Variants in WDR25 observed in about 807,000 individuals in gnomAD.
WDR25 encodes the protein WD repeat domain 25, also known as WD repeat-containing protein 25.
WDR25 carries 35 observed loss-of-function variants against 47.7 expected under a neutral mutation model. That is an observed-to-expected ratio of 0.73 (90% confidence interval 0.56 to 0.97). The LOEUF (loss-of-function observed/expected upper bound fraction) is 0.97, where lower values mean the gene tolerates loss of function less well. WDR25 is among the 50% of genes least tolerant of loss of function. The pLI is 0.00. For synonymous variants in WDR25, 248 were observed against 278.9 expected, an observed-to-expected ratio of 0.89 and a Z score of 1.10; for missense variants, 634 against 704.7, an observed-to-expected ratio of 0.90 and a Z score of 1.14.
In WDR25 at chr14:100,379,390, C is replaced by CTTTTTTTTTTT. The variant is rs148841833; in HGVS notation, c.-15-1515_-15-1505dup. Among the ~76,000 whole-genome samples, 19 of 135,446 alleles carry CTTTTTTTTTTT rather than the reference C, an allele frequency of 1.4e-4. No individual in the cohort carries two copies. In the East Asian group the frequency reaches 2.8e-3, roughly 20 times the overall value. The allele number at this position is 135,446 out of a possible 152,430, so 88.9% of individuals were successfully genotyped here. ...GTCTCTTCAGGTCTTCTTTTTTTTT[C>CTTTTTTTTTTT]TTTTTTTTTTTTTTTGAGATGGAGT... On this transcript the variant is annotated intron_variant, in intron 1 of 6. Coordinates refer to ENST00000402312, the MANE Select transcript of WDR25 (RefSeq NM_001161476.3).
rs930631423 is a variant in WDR25, at chr14:100,468,514, T to A, written c.970+346T>A. ...TTATCATTGTGTCCTTTGGTTGGAA[T>A]CAGGTTAGAATTCCTGTCAATTCAT... On this transcript the variant is annotated intron_variant, in intron 3 of 6. Transcript: ENST00000402312. The surrounding 1 kb of genome is among the most constrained non-coding windows in gnomAD (Gnocchi z 4.5). 2.6e-5 allele frequency among the ~76,000 whole-genome samples: 4 copies of A among 152,250 alleles called. No homozygotes were observed. The highest frequency in any genetic ancestry group is 5.9e-5 in the Non-Finnish European group (4 of 68,046).
intron 3 of WDR25, among the ~76,000 whole-genome samples, chr14:100,474,506 G>T (rs115913276): frequency 6.6e-6 from 1 of 152,176 alleles, no homozygotes; most frequent in South Asian, 2.1e-4. Flanking sequence ...TCACAGTTTG[G>T]TGCCCTTGTT....
intron 4 of WDR25, among the ~76,000 whole-genome samples, chr14:100,493,412 GATTC>G (rs1182950058): frequency 7.2e-5 from 11 of 152,160 alleles, no homozygotes; most frequent in African/African-American, 2.4e-4. Flanking sequence ...ATGTTTTCAA[GATTC>G]ATTCACATTG....
intron 2 of WDR25, among the ~76,000 whole-genome samples, chr14:100,413,258 C>T (rs1296994516): frequency 1.3e-5 from 2 of 152,204 alleles, no homozygotes; most frequent in Non-Finnish European, 2.9e-5. Flanking sequence ...ACCATCGCTC[C>T]AATCAAGGCA....
rs1288336019 is a variant in WDR25 at position 100,468,762 on chromosome 14, G to A, written c.970+594G>A. Among the ~76,000 whole-genome samples the A allele has an allele frequency of 6.6e-6, 1 of 152,030 alleles. No homozygotes were observed. The highest frequency in any genetic ancestry group is 1.5e-5 in the Non-Finnish European group (1 of 68,004). On this transcript the variant is annotated intron_variant, in intron 3 of 6. Transcript: ENST00000402312. The surrounding 1 kb of genome is among the most constrained non-coding windows in gnomAD (Gnocchi z 4.5). ...GCAACAGGCACTGTCAATACCCACC[G>A]CAGCCACAGCCCCCAGGTGGGCTCT...
chr14:100,423,336 G>C (rs1566903229), intron 2 of WDR25, among the ~76,000 whole-genome samples: 1 of 152,146 alleles, frequency 6.6e-6, no homozygotes, highest in Non-Finnish European at 1.5e-5. Context: ...GCTGTCGGTG[G>C]TTGGCAGGCC....
chr14:100,402,893 C>A (rs1897421920), intron 2 of WDR25, among the ~76,000 whole-genome samples: 1 of 152,118 alleles, frequency 6.6e-6, no homozygotes, highest in South Asian at 2.1e-4. Flanking sequence ...GAGACCCGTG[C>A]AGCCAGCCAG....
At position 100,504,253 on chromosome 14, in the gene WDR25, C is replaced by A. The variant is rs1901039006; in HGVS notation, c.1101+20129C>A. Among the ~76,000 whole-genome samples, 4 of 152,324 alleles carry A rather than the reference C, an allele frequency of 2.6e-5. No individual in the cohort carries two copies. In the South Asian group the frequency reaches 8.3e-4, roughly 32 times the overall value. Reference sequence around the variant, plus strand: ...CACTCTCTAATCCATGTTCAGATTTCCCTGGTTGTCTCATAATTTGCTTTA... The same window carrying A: ...CACTCTCTAATCCATGTTCAGATTTACCTGGTTGTCTCATAATTTGCTTTA... On this transcript the variant is annotated intron_variant, in intron 4 of 6. Coordinates refer to ENST00000402312, the MANE Select transcript of WDR25 (RefSeq NM_001161476.3).
chr14:100,413,227 A>T (rs185979452), intron 2 of WDR25, among the ~76,000 whole-genome samples: 1 of 151,746 alleles, frequency 6.6e-6, no homozygotes, highest in African/African-American at 2.4e-5. Flanking sequence ...ATGAGTTTTG[A>T]CAAACCTGTA....
intron 4 of WDR25, among the ~76,000 whole-genome samples, chr14:100,486,845 A>G (rs920019801): frequency 6.6e-6 from 1 of 152,196 alleles, no homozygotes; most frequent in Non-Finnish European, 1.5e-5. Flanking sequence ...TCCCTTTTAA[A>G]TACAGTAGGG....
intron 2 of WDR25, among the ~76,000 whole-genome samples, chr14:100,401,235 C>G (rs545279676): frequency 6.6e-6 from 1 of 152,312 alleles, no homozygotes; most frequent in East Asian, 1.9e-4. Flanking sequence ...AGCCTCTGCC[C>G]CACCGAGCCA....
Position 100,529,066 on chromosome 14 carries a change from A to T in WDR25, c.1273-2A>T. On this transcript the variant is annotated splice_acceptor_variant, in intron 5 of 6. Coordinates refer to ENST00000402312, the MANE Select transcript of WDR25 (RefSeq NM_001161476.3). LOFTEE classifies it high-confidence loss of function. This position sits in a 1 kb window ranked among gnomAD's most constrained non-coding sequence, Gnocchi z 5.1. ...ACCCATTTGTGGCTCTGCTGTTCTC[A>T]GGAGAGGTTCACCTGCCCCAGCCTC... The T allele has an allele frequency of 6.5e-7, 1 of 1,541,008 alleles. No individual in the cohort carries two copies.
At position 100,424,587 on chromosome 14, in the gene WDR25, C is replaced by T. The variant is rs1057335377; in HGVS notation, c.822+42841C>T. On this transcript the variant is annotated intron_variant, in intron 2 of 6. Transcript: ENST00000402312. This position sits in a 1 kb window ranked among gnomAD's most constrained non-coding sequence, Gnocchi z 4.2. ...GTTTAACTGCCTGTGGAGTCTGGGGCCCAGGGCCCTGCTGCCTGTCCAGTG... is the reference window on the plus strand; with the variant it reads ...GTTTAACTGCCTGTGGAGTCTGGGGTCCAGGGCCCTGCTGCCTGTCCAGTG... 1.3e-5 allele frequency among the ~76,000 whole-genome samples: 2 copies of T among 152,288 alleles called. No individual in the cohort carries two copies. The highest frequency in any genetic ancestry group is 2.4e-5 in the African/African-American group (1 of 41,544).
intron 4 of WDR25, among the ~76,000 whole-genome samples, chr14:100,514,225 C>T (rs1232071181): frequency 3.3e-5 from 5 of 152,266 alleles, no homozygotes; most frequent in East Asian, 1.9e-4. Flanking sequence ...CGTGAGCCAC[C>T]GCGCCCGGCC....
At chr14:100,387,317 A>C (rs945757568) in intron 2 of WDR25, among the ~76,000 whole-genome samples, 6 of 152,088 alleles carry the variant, frequency 3.9e-5, no homozygotes, top group Admixed American at 3.3e-4. Flanking sequence ...GAATCTTTTC[A>C]TTGTCTCTAT....
intron 4 of WDR25, among the ~76,000 whole-genome samples, chr14:100,492,437 A>G (rs950997438): frequency 6.6e-6 from 1 of 152,198 alleles, no homozygotes; most frequent in African/African-American, 2.4e-5. Flanking sequence ...TGGGAGGCCC[A>G]TGGCACTCAA....
chr14:100,521,092 C>T (rs1201493328), intron 4 of WDR25, among the ~76,000 whole-genome samples: 2 of 151,950 alleles, frequency 1.3e-5, no homozygotes, highest in Non-Finnish European at 2.9e-5. Context: ...TCTTATCTTG[C>T]CTGTGACCTG....
At chr14:100,501,307 C>T (rs1370979600) in intron 4 of WDR25, among the ~76,000 whole-genome samples, 3 of 152,140 alleles carry the variant, frequency 2.0e-5, no homozygotes, top group African/African-American at 4.8e-5. Context: ...TCAATAAATG[C>T]TCCTGGCCAT....
chr14:100,526,221 A>G (rs2140393170), intron 5 of WDR25, among the ~76,000 whole-genome samples, 181 bp downstream of exon 5: 1 of 152,270 alleles, frequency 6.6e-6, no homozygotes, highest in Non-Finnish European at 1.5e-5. Context: ...GTGGGCTTCC[A>G]GATGCAACCT....
Sources: allele counts gnomAD v4.1 joint callset (sites outside exome capture counted in the v4.1 genomes callset), GRCh38; gene constraint gnomAD v4.1.1; non-coding constraint Gnocchi (gnomAD v3.1); transcripts MANE v1.5; gene names NCBI Gene and HGNC (gene_info 2026-07-23, HGNC 2026-07-21).